Variants in LRCH4 observed in about 807,000 individuals in gnomAD.
The protein encoded by LRCH4 is leucine-rich repeat and calponin homology domain-containing protein 4.
A neutral mutation model predicts 81.2 loss-of-function variants in LRCH4; 56 were observed. The observed-to-expected ratio is 0.69, with a 90% confidence interval of 0.56 to 0.86. The LOEUF (loss-of-function observed/expected upper bound fraction) is 0.86, where lower values mean the gene tolerates loss of function less well. LRCH4 is among the 40% of genes least tolerant of loss of function. The pLI, the probability that LRCH4 is intolerant of heterozygous loss-of-function variation, is 0.00. For missense variants in LRCH4, 895 were observed against 922.8 expected (o/e 0.97, Z 0.39); for synonymous variants, 442 against 409.7 (o/e 1.08, Z -0.95).
Position 100,576,220 on chromosome 7 carries a change from GCTC to G in LRCH4, c.1638+15_1638+17del, listed in dbSNP as rs1562804726. The G allele has an allele frequency of 5.6e-6, 9 of 1,612,336 alleles. No individual in the cohort carries two copies. Among genetic ancestry groups the G allele is most frequent in the Non-Finnish European group, 7.6e-6 (9 of 1,178,996 alleles). ...CCCGGCCCAGGCCCCTGCCCACGCA[GCTC>G]CCGCCTCTGCTCACCTGGCGCAGCT... On this transcript the variant is annotated intron_variant, in intron 15 of 17. Coordinates refer to ENST00000310300, the MANE Select transcript of LRCH4 (RefSeq NM_002319.5).
rs1162742401 is a variant in LRCH4, at chr7:100,586,093, G to A, written c.8C>T (p.Ala3Val). The change falls in exon 1 of 18, where the codon GCG becomes GTG. Residue 3 changes from alanine (A) to valine (V), a missense_variant. Physicochemically the swap from Ala to Val is moderately conservative, Grantham distance 64. Transcript: ENST00000310300. ...GGCGGCGAGTGGAGCCGCTACGGCCGCCGCCATCCGCTCCCGGCGGCTCCC... is the reference window on the plus strand; with the variant it reads ...GGCGGCGAGTGGAGCCGCTACGGCCACCGCCATCCGCTCCCGGCGGCTCCC... MA[A>V]AVAAPLAAGG... 13 of 1,523,682 alleles carry A rather than the reference G, an allele frequency of 8.5e-6. No individual in the cohort carries two copies. The highest frequency in any genetic ancestry group is 6.1e-5 in the South Asian group (5 of 82,358). The allele number at this position is 1,523,682 out of a possible 1,614,324, so 94.4% of individuals were successfully genotyped here.
intron 1 of LRCH4, chr7:100,585,301 A>T: frequency 6.2e-6 from 1 of 161,040 alleles, no homozygotes; most frequent in Non-Finnish European, 1.4e-5. Flanking sequence ...GGGAGAAAAG[A>T]GTGAGGGGAG....
chr7:100,583,399 AC>A lies in LRCH4; in HGVS notation c.221-941del. ...TAGCACGGACCCACTAACGGCTTAG[AC>A]CTGGAGAAGCCTGCCTTTCTGTTTC... is the stretch of plus-strand genomic sequence containing the variant. On this transcript the variant is annotated intron_variant, in intron 1 of 17. Coordinates refer to ENST00000310300, the MANE Select transcript of LRCH4 (RefSeq NM_002319.5). This position sits in a 1 kb window ranked among gnomAD's most constrained non-coding sequence, Gnocchi z 4.3. Among the ~76,000 whole-genome samples the A allele has an allele frequency of 6.6e-6, 1 of 152,118 alleles. No homozygotes were observed. The highest frequency in any genetic ancestry group is 1.9e-4 in the East Asian group (1 of 5,138).
In LRCH4 at chr7:100,582,152, C is replaced by T. The variant is rs771387073; in HGVS notation, c.381G>A (p.Ser127=). 1.1e-5 allele frequency: 17 copies of T among 1,613,346 alleles called. No homozygotes were observed. Among genetic ancestry groups the T allele is most frequent in the Admixed American group, 1.7e-5 (1 of 59,970 alleles). The change falls in exon 3 of 18, where the codon TCG becomes TCA. Residue 127 remains serine, a synonymous_variant. Transcript: ENST00000310300. The surrounding 1 kb of genome is among the most constrained non-coding windows in gnomAD (Gnocchi z 5.0). ...TYLNLSRNQL[S]LLPPYICQLP... ...GCTGGCAGATGTAGGGTGGCAGCAG[C>T]GACAGCTGGTTTCGGCTGTGGAAGG...
intron 4 of LRCH4, chr7:100,581,497 T>G: frequency 1.4e-4 from 51 of 356,490 alleles, no homozygotes; most frequent in Non-Finnish European, 1.9e-4. Context: ...CCCTCATCAG[T>G]GAGATTTGTG....
chr7:100,575,296 C>T lies in LRCH4; in HGVS notation c.1863G>A (p.Leu621=), dbSNP rs1466638723. The T allele has an allele frequency of 1.3e-6, 2 of 1,549,834 alleles. No homozygotes were observed. Among genetic ancestry groups the T allele is most frequent in the South Asian group, 1.2e-5 (1 of 84,974 alleles). ...CCTGGAGGAGATCCGAGGGCGAGCA[C>T]AGGTCAGCCTGGGGGAGAGGAGAGC... ...CRKMGVPEAD[L]CSPSDLLQGT... The change falls in exon 18 of 18, where the codon CTG becomes CTA. Residue 621 remains leucine (L), a synonymous_variant. Coordinates refer to ENST00000310300, the MANE Select transcript of LRCH4 (RefSeq NM_002319.5). This position sits in a 1 kb window ranked among gnomAD's most constrained non-coding sequence, Gnocchi z 5.3.
At chr7:100,584,005 C>T (rs111523972) in intron 1 of LRCH4, 89 of 368,620 alleles carry the variant, frequency 2.4e-4, no homozygotes, top group African/African-American at 1.7e-3. Context: ...GGCCCCTCCC[C>T]GCCACCTCAG....
Position 100,585,993 on chromosome 7 carries a change from C to G in LRCH4, c.108G>C (p.Arg36=), listed in dbSNP as rs1384064527. Residue 36 remains arginine (R), a synonymous_variant, in exon 1 of 18, where the codon CGG becomes CGC. Transcript: ENST00000310300. ...PGLPGRRSAE[R]ALEEAVATGT... is the part of the protein sequence containing the mutation. ...CGGTGGCCACGGCCTCCTCTAGGGC[C>G]CGCTCTGCACTGCGTCTCCCCGGCA... The G allele has an allele frequency of 6.2e-7, 1 of 1,611,262 alleles. No homozygotes were observed. The highest frequency in any genetic ancestry group is 8.5e-7 in the Non-Finnish European group (1 of 1,178,674).
chr7:100,576,795 G>A lies in LRCH4; in HGVS notation c.1469-18C>T, dbSNP rs1279988886. On this transcript the variant is annotated intron_variant, in intron 13 of 17. Coordinates refer to ENST00000310300, the MANE Select transcript of LRCH4 (RefSeq NM_002319.5). The stretch of plus-strand genomic sequence containing the variant: ...TGCTGTCGCTGGGGCCGGAACCAGG[G>A]ACACAGCGACAGGGGCAGGTGAGAC... 5 of 1,571,470 alleles carry A rather than the reference G, an allele frequency of 3.2e-6. No individual in the cohort carries two copies. Among genetic ancestry groups the A allele is most frequent in the African/African-American group, 1.3e-5 (1 of 74,212 alleles).
intron 1 of LRCH4, among the ~76,000 whole-genome samples, chr7:100,584,391 G>T (rs752770807): frequency 1.3e-5 from 2 of 151,938 alleles, no homozygotes; most frequent in Admixed American, 6.6e-5. Flanking sequence ...CAGGAGCACG[G>T]CTGCACCCTG....
rs1176674621 is a variant in LRCH4 at position 100,586,088 on chromosome 7, C to A, written c.13G>T (p.Val5Leu). The A allele has an allele frequency of 2.6e-6, 4 of 1,528,366 alleles. No homozygotes were observed. Among genetic ancestry groups the A allele is most frequent in the African/African-American group, 1.4e-5 (1 of 71,940 alleles). The allele number at this position is 1,528,366 out of a possible 1,614,324, so 94.7% of individuals were successfully genotyped here. ...CCCCCGGCGGCGAGTGGAGCCGCTA[C>A]GGCCGCCGCCATCCGCTCCCGGCGG... is the stretch of plus-strand genomic sequence containing the variant. MAAA[V>L]AAPLAAGGEE... Residue 5 changes from valine (V) to leucine (L), a missense_variant, in exon 1 of 18, where the codon GTA becomes TTA. Physicochemically the swap from Val to Leu is conservative, Grantham distance 32. This residue lies in a region of LRCH4 where 360 missense variants were observed against 397.0 expected (regional missense o/e 0.91). Coordinates refer to ENST00000310300, the MANE Select transcript of LRCH4 (RefSeq NM_002319.5).
At chr7:100,581,948 T>G in intron 3 of LRCH4, 66 bp from the exon 4 acceptor site, 1 of 1,608,952 alleles carries the variant, frequency 6.2e-7, no homozygotes, top group South Asian at 1.1e-5. Flanking sequence ...CCCTCCCATC[T>G]CTGTCTTTGC....
Position 100,582,195 on chromosome 7 carries a change from G to A in LRCH4, c.366-28C>T. On this transcript the variant is annotated intron_variant, in intron 2 of 17. Coordinates refer to ENST00000310300, the MANE Select transcript of LRCH4 (RefSeq NM_002319.5). This position sits in a 1 kb window ranked among gnomAD's most constrained non-coding sequence, Gnocchi z 5.0. ...GTGGAAGGGAGAAAGGCAGCGGACT[G>A]GCTCCCCAGGCATGGCATCCCAGCA... 6.2e-7 allele frequency: 1 copy of A among 1,613,536 alleles called. No homozygotes were observed. The highest frequency in any genetic ancestry group is 8.5e-7 in the Non-Finnish European group (1 of 1,179,918).
chr7:100,574,632 G>GCGCGCGCGCGCACACACACACACACACA lies in LRCH4; in HGVS notation c.*474_*475insTGTGTGTGTGTGTGTGTGCGCGCGCGCG, dbSNP rs200891670. On this transcript the variant is annotated 3_prime_UTR_variant, in exon 18 of 18. Transcript: ENST00000310300. ...ACGCGGAGCAGACGCGCGCGCGCGCGCACACACACACACACAGGCAGGGCG... is the reference window on the plus strand; with the variant it reads ...ACGCGGAGCAGACGCGCGCGCGCGCGCGCGCGCGCGCACACACACACACACACACACACACACACACACAGGCAGGGCG... 4 of 151,928 alleles carry GCGCGCGCGCGCACACACACACACACACA rather than the reference G, an allele frequency of 2.6e-5. No homozygotes were observed. The highest frequency in any genetic ancestry group is 5.8e-5 in the Non-Finnish European group (4 of 68,886). 9.4% of individuals were successfully genotyped at this position (151,928 alleles called of 1,614,324 possible). A position where few individuals can be genotyped will look rare whatever the true frequency, so the allele number is the denominator to read the frequency against.
chr7:100,585,924 C>T lies in LRCH4; in HGVS notation c.177G>A (p.Arg59=). Reference sequence around the variant, plus strand: ...ACAGGTCGTAGCTACGGGCCGCGCCCCGGGGGAAGTGCTTCAAGCGCCGGT... The same window carrying T: ...ACAGGTCGTAGCTACGGGCCGCGCCTCGGGGGAAGTGCTTCAAGCGCCGGT... The part of the protein sequence containing the change: ...LSNRRLKHFP[R]GAARSYDLSD... The change falls in exon 1 of 18, where the codon CGG becomes CGA. Residue 59 remains arginine, a synonymous_variant. Transcript: ENST00000310300. The T allele has an allele frequency of 6.2e-7, 1 of 1,611,848 alleles. No individual in the cohort carries two copies. The highest frequency in any genetic ancestry group is 8.5e-7 in the Non-Finnish European group (1 of 1,178,902).
chr7:100,576,931 G>A lies in LRCH4; in HGVS notation c.1439C>T (p.Ser480Phe), dbSNP rs1801381852. The A allele has an allele frequency of 6.4e-7, 1 of 1,569,488 alleles. No homozygotes were observed. Among genetic ancestry groups the A allele is most frequent in the Non-Finnish European group, 8.7e-7 (1 of 1,155,618 alleles). Residue 480 changes from serine to phenylalanine, a missense_variant, in exon 13 of 18, where the codon TCC (serine) becomes TTC (phenylalanine). Ser to Phe is a radical substitution (Grantham distance 155). This residue lies in a region of LRCH4 where 529 missense variants were observed against 504.9 expected (regional missense o/e 1.05). Transcript: ENST00000310300. ...TCCAGCTATGGGAAGGGGCTCTTGG[G>A]AGGCAGGGGCAGGGGCGGGGGCTCC... is the stretch of plus-strand genomic sequence containing the variant. ...GQGAPAPAPA[S>F]QEPLPIAGPA...
rs947726718 is a variant in LRCH4 at position 100,583,628 on chromosome 7, C to G, written c.221-1169G>C. ...AGAAACAATCTGTCAGGTTCTGGCT[C>G]TGGTAGGCCCCGTGTTTACCAGGGT... On this transcript the variant is annotated intron_variant, in intron 1 of 17. Transcript: ENST00000310300. The surrounding 1 kb of genome is among the most constrained non-coding windows in gnomAD (Gnocchi z 4.3). 6.6e-6 allele frequency among the ~76,000 whole-genome samples: 1 copy of G among 152,216 alleles called. No individual in the cohort carries two copies. The highest frequency in any genetic ancestry group is 2.4e-5 in the African/African-American group (1 of 41,454).
chr7:100,578,766 C>A lies in LRCH4; in HGVS notation c.619G>T (p.Val207Phe). The A allele has an allele frequency of 6.2e-7, 1 of 1,613,514 alleles. No individual in the cohort carries two copies. ...LPEELGDLPLVRLDFSCNRVS... is the reference protein window; with the variant it reads ...LPEELGDLPLFRLDFSCNRVS... The stretch of plus-strand genomic sequence containing the variant: ...CGGTTACAGGAGAAATCCAGGCGGA[C>A]CAGAGGGAGGTCCCCCAGCTCTGGA... The change falls in exon 5 of 18, where the codon GTC (valine) becomes TTC (phenylalanine). Residue 207 changes from valine (V) to phenylalanine (F), a missense_variant. Transcript: ENST00000310300. This position sits in a 1 kb window ranked among gnomAD's most constrained non-coding sequence, Gnocchi z 5.7.
chr7:100,578,463 C>T lies in LRCH4; in HGVS notation c.784G>A (p.Ala262Thr), dbSNP rs147809975. 29 of 1,613,976 alleles carry T rather than the reference C, an allele frequency of 1.8e-5. No individual in the cohort carries two copies. The highest frequency in any genetic ancestry group is 1.6e-4 in the Middle Eastern group (1 of 6,084). Reference sequence around the variant, plus strand: ...CCCAGGGCCGACCCACGCTGCCCGGCCTCTGTGGACAAATACTTGAAGATG... The same window carrying T: ...CCCAGGGCCGACCCACGCTGCCCGGTCTCTGTGGACAAATACTTGAAGATG... ...LHIFKYLSTE[A>T]GQRGSALGDL... The change falls in exon 6 of 18, where the codon GCC becomes ACC. Residue 262 changes from alanine to threonine, a missense_variant. Coordinates refer to ENST00000310300, the MANE Select transcript of LRCH4 (RefSeq NM_002319.5). The surrounding 1 kb of genome is among the most constrained non-coding windows in gnomAD (Gnocchi z 5.7).
Sources: allele counts gnomAD v4.1 joint callset (sites outside exome capture counted in the v4.1 genomes callset), GRCh38; gene constraint gnomAD v4.1.1; regional missense constraint gnomAD v4.1.1; non-coding constraint Gnocchi (gnomAD v3.1); transcripts MANE v1.5; gene names NCBI Gene and HGNC (gene_info 2026-07-23, HGNC 2026-07-21).